ADGRL2: variants seen among roughly 807,000 people sequenced by gnomAD.
The protein encoded by ADGRL2 is calcium-independent alpha-latrotoxin receptor 2.
A neutral mutation model predicts 157.4 loss-of-function variants in ADGRL2; 44 were observed. That is an observed-to-expected ratio of 0.28 (90% CI 0.22 to 0.36). The LOEUF (loss-of-function observed/expected upper bound fraction) is 0.36. Among genes scored for constraint, ADGRL2 ranks in the 10% least tolerant of loss-of-function variants. ADGRL2 has a pLI of 1.00. For missense variants in ADGRL2, 1,510 were observed against 1,768.9 expected (o/e 0.85, Z 2.63); for synonymous variants, 585 against 624.7 (o/e 0.94, Z 0.95).
intron 1 of ADGRL2, among the ~76,000 whole-genome samples, chr1:81,404,111 C>T (rs2076812201): frequency 6.6e-6 from 1 of 152,086 alleles, no homozygotes; most frequent in Admixed American, 6.6e-5. Flanking sequence ...TGATTTTTAT[C>T]AGAAGATCTG....
At chr1:81,928,047 T>G (rs1572174522) in intron 3 of ADGRL2, among the ~76,000 whole-genome samples, 1 of 152,228 alleles carries the variant, frequency 6.6e-6, no homozygotes, top group African/African-American at 2.4e-5. Context: ...CTCCATTCAC[T>G]TGATTATTTT....
chr1:81,907,324 A>T, intron 3 of ADGRL2, 94 bp downstream of exon 3: 1 of 985,186 alleles, frequency 1.0e-6, no homozygotes, highest in Middle Eastern at 2.2e-4. Context: ...TATAGACCAC[A>T]TCCCAGCCTA....
At chr1:81,769,021 G>A (rs970015182) in intron 2 of ADGRL2, among the ~76,000 whole-genome samples, 1 of 152,102 alleles carries the variant, frequency 6.6e-6, no homozygotes, top group Non-Finnish European at 1.5e-5. Flanking sequence ...GGAGGCGGAG[G>A]TTGCTGAGTA....
At chr1:81,616,086 C>T (rs557547878) in intron 3 of ADGRL2, among the ~76,000 whole-genome samples, 14 of 141,150 alleles carry the variant, frequency 9.9e-5, no homozygotes, top group African/African-American at 3.1e-4. Flanking sequence ...CAGCCTCATT[C>T]GCTGGCACCA....
intron 2 of ADGRL2, among the ~76,000 whole-genome samples, chr1:81,572,127 A>G (rs987456203): frequency 1.3e-5 from 2 of 152,238 alleles, no homozygotes; most frequent in Non-Finnish European, 2.9e-5. Context: ...GCATCAGACA[A>G]TAGAGTAATT....
rs550050984 is a variant in ADGRL2, at chr1:81,634,809, G to A, written c.-143+53829G>A. 4.8e-4 allele frequency among the ~76,000 whole-genome samples: 73 copies of A among 152,106 alleles called. No individual in the cohort carries two copies. The South Asian group carries it at 5.2e-3, about 11-fold the overall frequency. On this transcript the variant is annotated intron_variant, in intron 3 of 24. Coordinates refer to the ADGRL2 transcript ENST00000370721. ...AGTGCTGGGATTACAAGCATGAGCCGTCGCGCCTGGCCTATGTTAGCTTTC... is the reference window on the plus strand; with the variant it reads ...AGTGCTGGGATTACAAGCATGAGCCATCGCGCCTGGCCTATGTTAGCTTTC...
chr1:81,948,695 TAGAC>T (rs1180557925), intron 6 of ADGRL2, among the ~76,000 whole-genome samples: 9 of 152,210 alleles, frequency 5.9e-5, no homozygotes. Flanking sequence ...AAAGAAAAGA[TAGAC>T]AGGTTTGAAT....
At chr1:81,583,984 A>C (rs1259468380) in intron 3 of ADGRL2, among the ~76,000 whole-genome samples, 4 of 152,172 alleles carry the variant, frequency 2.6e-5, no homozygotes, top group Non-Finnish European at 5.9e-5. Context: ...GTTTAAATAC[A>C]CTGTGGGTGA....
intron 2 of ADGRL2, among the ~76,000 whole-genome samples, chr1:81,503,684 C>T (rs1038047598): frequency 1.3e-5 from 2 of 152,146 alleles, no homozygotes; most frequent in African/African-American, 4.8e-5. Context: ...CAGCGTTGTC[C>T]AATCAGGGAT....
At chr1:81,352,903 A>C (rs1663011756) in intron 1 of ADGRL2, among the ~76,000 whole-genome samples, 1 of 152,172 alleles carries the variant, frequency 6.6e-6, no homozygotes, top group Non-Finnish European at 1.5e-5. Flanking sequence ...GGTCAGGTCA[A>C]GCAGGGATTT....
intron 3 of ADGRL2, among the ~76,000 whole-genome samples, chr1:81,604,557 A>C (rs57599676): frequency 0.041 from 6,293 of 152,314 alleles, 427 homozygotes; most frequent in African/African-American, 0.14. Flanking sequence ...TATAAGTGCT[A>C]AGGACTGAGA....
intron 2 of ADGRL2, among the ~76,000 whole-genome samples, chr1:81,533,688 A>G (rs1409891806): frequency 6.6e-6 from 1 of 152,204 alleles, no homozygotes; most frequent in Admixed American, 6.5e-5. Flanking sequence ...AGCTACATGC[A>G]TTGAAAGCAT....
intron 3 of ADGRL2, among the ~76,000 whole-genome samples, chr1:81,919,056 T>C (rs1475791019): frequency 6.6e-6 from 1 of 152,186 alleles, no homozygotes; most frequent in Non-Finnish European, 1.5e-5. Context: ...GAAGTTGGCA[T>C]AGCATTCCCC....
chr1:81,640,977 C>T (rs1419213808), intron 3 of ADGRL2, among the ~76,000 whole-genome samples: 5 of 152,136 alleles, frequency 3.3e-5, no homozygotes, highest in African/African-American at 9.7e-5. Flanking sequence ...CTGTTCCTGC[C>T]CTATGAGAAA....
At chr1:81,874,998 A>G (rs2093799843) in intron 2 of ADGRL2, among the ~76,000 whole-genome samples, 2 of 151,978 alleles carry the variant, frequency 1.3e-5, no homozygotes, top group Admixed American at 1.3e-4. Flanking sequence ...TGAGCCATCG[A>G]ACCTGACCTT....
At chr1:81,748,467 CAAAAAAAAAAAAA>C (rs973818702) in intron 1 of ADGRL2, among the ~76,000 whole-genome samples, 22 of 42,420 alleles carry the variant, frequency 5.2e-4, no homozygotes, top group Admixed American at 1.3e-3. Flanking sequence ...GATTCCGTCT[CAAAAAAAAAAAAA>C]AAAAAAAAAA....
chr1:81,497,662 C>T (rs1229420255), intron 2 of ADGRL2, among the ~76,000 whole-genome samples: 1 of 152,166 alleles, frequency 6.6e-6, no homozygotes, highest in African/African-American at 2.4e-5. Flanking sequence ...TAACCTTTCT[C>T]TACCTCAATT....
upstream of ADGRL2, among the ~76,000 whole-genome samples, chr1:81,795,943 T>A (rs1248357320): frequency 6.6e-6 from 1 of 152,192 alleles, no homozygotes; most frequent in African/African-American, 2.4e-5. Context: ...TGGAGGTTTG[T>A]GTGCACTAAA....
chr1:81,851,406 A>T (rs2093000041), intron 2 of ADGRL2, among the ~76,000 whole-genome samples: 4 of 151,896 alleles, frequency 2.6e-5, no homozygotes, highest in Admixed American at 2.6e-4. Flanking sequence ...TCAGTTAAAA[A>T]TGATGAGTAA....
Sources: gnomAD v4.1 joint callset for allele counts (sites outside exome capture counted in the v4.1 genomes callset) on GRCh38, gnomAD v4.1.1 for gene constraint, MANE v1.5 for transcripts, NCBI Gene and HGNC (gene_info 2026-07-23, HGNC 2026-07-21) for gene names.